Variants in IL1RAPL1 observed in about 807,000 individuals in gnomAD.
IL1RAPL1 encodes the protein interleukin 1 receptor accessory protein like 1.
A neutral mutation model predicts 48.4 loss-of-function variants in IL1RAPL1; 3 were observed. The ratio of observed to expected loss-of-function variants is 0.06; its 90% CI spans 0.03 to 0.16. IL1RAPL1 has a LOEUF of 0.16. Among genes scored for constraint, IL1RAPL1 ranks in the 10% least tolerant of loss-of-function variants. The pLI is 1.00. For synonymous variants in IL1RAPL1, 185 were observed against 187.7 expected (o/e 0.99, Z 0.12); for missense variants, 349 against 530.6 (o/e 0.66, Z 3.36).
intron 5 of IL1RAPL1, among the ~76,000 whole-genome samples, chrX:29,448,248 C>G (rs1382158755): frequency 9.0e-6 from 1 of 111,640 alleles, no homozygotes; most frequent in Middle Eastern, 4.2e-3. Context: ...TGACTTAGTT[C>G]CATGAGATTC....
intron 8 of IL1RAPL1, among the ~76,000 whole-genome samples, chrX:29,933,056 T>C (rs752754633): frequency 1.8e-5 from 2 of 111,800 alleles, no homozygotes; most frequent in African/African-American, 6.5e-5. Context: ...AAGACTGTAT[T>C]GTCATTAGCT....
intron 6 of IL1RAPL1, among the ~76,000 whole-genome samples, chrX:29,765,245 C>CTTTT (rs68094158): frequency 1.2e-5 from 1 of 81,695 alleles, no homozygotes. Flanking sequence ...TAGTTCTAGG[C>CTTTT]TTTTTTTTTT....
intron 2 of IL1RAPL1, among the ~76,000 whole-genome samples, chrX:28,822,213 T>C (rs1347790130): frequency 1.8e-5 from 2 of 111,690 alleles, no homozygotes; most frequent in Non-Finnish European, 3.8e-5. Context: ...TCAAATTTTA[T>C]ATTAGTTCTC....
At chrX:28,721,352 G>C (rs1249851510) in intron 1 of IL1RAPL1, among the ~76,000 whole-genome samples, 1 of 111,976 alleles carries the variant, frequency 8.9e-6, no homozygotes, top group Non-Finnish European at 1.9e-5. Flanking sequence ...CAGTGACGAT[G>C]AGTATTTTTT....
intron 2 of IL1RAPL1, among the ~76,000 whole-genome samples, chrX:29,012,405 A>G (rs1926144503): frequency 9.0e-6 from 1 of 111,226 alleles, no homozygotes; most frequent in South Asian, 3.8e-4. Flanking sequence ...TTAGCTGGGC[A>G]TGGTGGCGGC....
chrX:28,666,550 A>G, intron 1 of IL1RAPL1, among the ~76,000 whole-genome samples: 1 of 112,304 alleles, frequency 8.9e-6, no homozygotes, highest in Non-Finnish European at 1.9e-5. Context: ...TTGTTTACAA[A>G]CTAAACTATT....
chrX:29,794,128 A>C, intron 6 of IL1RAPL1, among the ~76,000 whole-genome samples: 1 of 112,285 alleles, frequency 8.9e-6, no homozygotes, highest in Middle Eastern at 4.7e-3. Flanking sequence ...TGATATGTTC[A>C]GGTCATGCTT....
intron 2 of IL1RAPL1, among the ~76,000 whole-genome samples, chrX:29,203,740 T>G (rs1930607515): frequency 2.1e-5 from 2 of 93,552 alleles, no homozygotes; most frequent in African/African-American, 9.0e-5. Flanking sequence ...TATATATATA[T>G]ATATATATAT....
At chrX:29,492,324 C>T (rs766439994) in intron 5 of IL1RAPL1, among the ~76,000 whole-genome samples, 18 of 111,977 alleles carry the variant, frequency 1.6e-4, no homozygotes, top group South Asian at 7.3e-4. Context: ...TTATTGCTGC[C>T]GTAATAAATA....
intron 5 of IL1RAPL1, among the ~76,000 whole-genome samples, chrX:29,488,512 TTAATAA>T (rs752436514): frequency 4.5e-5 from 5 of 112,357 alleles, no homozygotes; most frequent in African/African-American, 1.6e-4. Context: ...GTGACTATAG[TTAATAA>T]TAATGTGTTG....
chrX:29,712,011 C>T (rs1004588365), intron 6 of IL1RAPL1, among the ~76,000 whole-genome samples: 4 of 110,446 alleles, frequency 3.6e-5, no homozygotes, highest in African/African-American at 1.3e-4. Context: ...TAGCAGTCTA[C>T]AGACTTTACT....
chrX:28,940,697 G>A (rs900385188), intron 2 of IL1RAPL1, among the ~76,000 whole-genome samples: 1 of 110,911 alleles, frequency 9.0e-6, no homozygotes, highest in Non-Finnish European at 1.9e-5. Flanking sequence ...TCACAGCCAA[G>A]ATAATGCTAA....
chrX:28,748,249 G>A (rs761885839), intron 1 of IL1RAPL1, among the ~76,000 whole-genome samples: 6 of 111,763 alleles, frequency 5.4e-5, no homozygotes, highest in Admixed American at 2.9e-4. Flanking sequence ...ATCAAAATAC[G>A]ATGAGAAGCC....
chrX:29,003,360 T>C (rs1435276271), intron 2 of IL1RAPL1, among the ~76,000 whole-genome samples: 1 of 111,943 alleles, frequency 8.9e-6, no homozygotes, highest in African/African-American at 3.2e-5. Context: ...AGGTGCCAAG[T>C]ACCTACAAAC....
intron 1 of IL1RAPL1, among the ~76,000 whole-genome samples, chrX:28,686,071 T>G (rs1601858940): frequency 8.9e-6 from 1 of 111,969 alleles, no homozygotes; most frequent in Non-Finnish European, 1.9e-5. Flanking sequence ...AGTGACCAAA[T>G]TAAATGATTC....
intron 2 of IL1RAPL1, chrX:28,982,874 C>T (rs1425872449): frequency 9.0e-6 from 1 of 110,733 alleles, no homozygotes; most frequent in African/African-American, 3.3e-5. Context: ...CCGGTATTCC[C>T]AGGCACTCTC....
At chrX:29,779,405 T>C (rs775934480) in intron 6 of IL1RAPL1, among the ~76,000 whole-genome samples, 1 of 110,767 alleles carries the variant, frequency 9.0e-6, no homozygotes, top group Admixed American at 9.6e-5. Flanking sequence ...ATCATGCACA[T>C]GGACATAAAG....
chrX:28,927,669 G>A (rs1335310563), intron 2 of IL1RAPL1, among the ~76,000 whole-genome samples: 1 of 92,761 alleles, frequency 1.1e-5, no homozygotes, highest in Non-Finnish European at 2.1e-5. Context: ...CTATTGCATT[G>A]TCAAATTGAA....
chrX:29,106,283 A>G (rs1197102352), intron 2 of IL1RAPL1, among the ~76,000 whole-genome samples: 2 of 111,103 alleles, frequency 1.8e-5, no homozygotes, highest in African/African-American at 3.3e-5. Context: ...GGAAGTCTTG[A>G]GCTGTAACCG....
Sources: allele counts gnomAD v4.1 joint callset (sites outside exome capture counted in the v4.1 genomes callset), GRCh38; gene constraint gnomAD v4.1.1; transcripts MANE v1.5; gene names NCBI Gene and HGNC (gene_info 2026-07-23, HGNC 2026-07-21).